Variants in SNTB2 observed in about 807,000 individuals in gnomAD.
SNTB2 encodes syntrophin beta 2.
Under a neutral mutation model 46.2 loss-of-function variants are expected in SNTB2, and 34 were observed. The ratio of observed to expected loss-of-function variants is 0.74; its 90% CI spans 0.56 to 0.98. SNTB2 has a LOEUF of 0.98. SNTB2 is among the 50% of genes least tolerant of loss of function. SNTB2 has a pLI of 0.00. For synonymous variants in SNTB2, 290 were observed against 312.6 expected (o/e 0.93, Z 0.76); for missense variants, 603 against 731.4 (o/e 0.82, Z 2.02).
intron 4 of SNTB2, among the ~76,000 whole-genome samples, chr16:69,277,831 G>A (rs982806875): frequency 6.6e-6 from 1 of 152,112 alleles, no homozygotes; most frequent in Non-Finnish European, 1.5e-5. Flanking sequence ...TTATAAATGA[G>A]GTAATATTTT....
intron 1 of SNTB2, among the ~76,000 whole-genome samples, chr16:69,191,773 T>C (rs1004213826): frequency 4.6e-5 from 7 of 151,838 alleles, no homozygotes; most frequent in African/African-American, 1.5e-4. Context: ...CCCAAGTAGC[T>C]GGGACTACAG....
At chr16:69,270,942 A>G (rs1964931613) in intron 4 of SNTB2, among the ~76,000 whole-genome samples, 1 of 152,232 alleles carries the variant, frequency 6.6e-6, no homozygotes, top group African/African-American at 2.4e-5. Flanking sequence ...AGGTGTTGAT[A>G]TAACTCAAAA....
At chr16:69,270,338 CA>C in intron 4 of SNTB2, 53 bp downstream of exon 4, 1 of 1,598,006 alleles carries the variant, frequency 6.3e-7, no homozygotes, top group Non-Finnish European at 8.6e-7. Flanking sequence ...TCTAAATCTA[CA>C]AAAGAATTTT....
At chr16:69,236,829 G>C (rs1035303430) in intron 1 of SNTB2, among the ~76,000 whole-genome samples, 4 of 152,310 alleles carry the variant, frequency 2.6e-5, no homozygotes, top group African/African-American at 9.6e-5. Flanking sequence ...GGTAGGGACA[G>C]AGAGTGGTCT....
intron 1 of SNTB2, among the ~76,000 whole-genome samples, chr16:69,206,889 C>T (rs1214334172): frequency 6.6e-6 from 1 of 150,934 alleles, no homozygotes; most frequent in Non-Finnish European, 1.5e-5. Flanking sequence ...CCTCAGCATC[C>T]CTGGTAGCTG....
chr16:69,213,745 G>A (rs1048138708), intron 1 of SNTB2, among the ~76,000 whole-genome samples: 9 of 150,212 alleles, frequency 6.0e-5, no homozygotes, highest in Non-Finnish European at 8.9e-5. Flanking sequence ...TGTTCCACCC[G>A]CCTTAGCATC....
rs144320331 is a variant in SNTB2 at position 69,206,359 on chromosome 16, T to C, written c.580+18613T>C. On this transcript the variant is annotated intron_variant, in intron 1 of 6. Transcript: ENST00000336278. ...TTATTACTCTTCTCTCCAGTAGATA[T>C]ACTATTTGATCAAGATGTGGGTAAT... is the stretch of plus-strand genomic sequence containing the variant. Among the ~76,000 whole-genome samples, 23 of 152,230 alleles carry C rather than the reference T, an allele frequency of 1.5e-4. 1 individual carries two copies. In the East Asian group the frequency reaches 3.5e-3, roughly 23 times the overall value.
At position 69,303,489 on chromosome 16, in the gene SNTB2, G is replaced by A. The variant is rs1270685390; in HGVS notation, c.*2565G>A. ...TGTGAGCAGGAAAGGCAAGGCATGT[G>A]TGCATTTTCACTCATTTTGGTCAAG... On this transcript the variant is annotated 3_prime_UTR_variant, in exon 7 of 7. Transcript: ENST00000336278. The A allele has an allele frequency of 6.6e-6, 1 of 152,636 alleles. No homozygotes were observed. Among genetic ancestry groups the A allele is most frequent in the Non-Finnish European group, 1.5e-5 (1 of 68,058 alleles). 9.5% of individuals were successfully genotyped at this position (152,636 alleles called of 1,614,324 possible). A position where few individuals can be genotyped will look rare whatever the true frequency, so the allele number is the denominator to read the frequency against.
chr16:69,285,819 G>A (rs1381248191), intron 5 of SNTB2, among the ~76,000 whole-genome samples: 2 of 151,184 alleles, frequency 1.3e-5, no homozygotes, highest in African/African-American at 4.9e-5. Context: ...TTGACATGGA[G>A]TCTCACTCTG....
At chr16:69,291,937 A>T (rs1965163196) in intron 5 of SNTB2, among the ~76,000 whole-genome samples, 1 of 149,882 alleles carries the variant, frequency 6.7e-6, no homozygotes, top group Non-Finnish European at 1.5e-5. Context: ...ATAAATAAAT[A>T]GGCTGGGCAC....
At chr16:69,254,819 A>T (rs11075712) in intron 2 of SNTB2, among the ~76,000 whole-genome samples, 37,686 of 151,464 alleles carry the variant, frequency 0.25, 5,030 homozygotes, top group African/African-American at 0.31. Context: ...TCTACAAAAA[A>T]TTTTTTTTTA....
chr16:69,268,271 A>G (rs938072335), intron 3 of SNTB2, among the ~76,000 whole-genome samples: 12 of 151,856 alleles, frequency 7.9e-5, no homozygotes, highest in Non-Finnish European at 1.5e-4. Context: ...CGAGACCAGT[A>G]TGGCCAACAT....
At chr16:69,239,388 A>G (rs1482627592) in intron 1 of SNTB2, among the ~76,000 whole-genome samples, 1 of 152,156 alleles carries the variant, frequency 6.6e-6, no homozygotes, top group Non-Finnish European at 1.5e-5. Flanking sequence ...ATACAGTTCT[A>G]TGAATCTGGA....
chr16:69,208,374 C>G (rs955362645), intron 1 of SNTB2, among the ~76,000 whole-genome samples: 2 of 150,914 alleles, frequency 1.3e-5, no homozygotes, highest in Non-Finnish European at 3.0e-5. Context: ...CCACTGCACT[C>G]CAGCCTGGGC....
chr16:69,205,366 T>C (rs1964206037), intron 1 of SNTB2, among the ~76,000 whole-genome samples: 1 of 149,692 alleles, frequency 6.7e-6, no homozygotes, highest in Non-Finnish European at 1.5e-5. Flanking sequence ...TTAGGGTACA[T>C]GTGCACATTG....
intron 5 of SNTB2, among the ~76,000 whole-genome samples, chr16:69,293,444 G>A (rs1454361721): frequency 6.6e-6 from 1 of 152,194 alleles, no homozygotes; most frequent in African/African-American, 2.4e-5. Context: ...TGAAAAAGCA[G>A]GTTGGATTTA....
At chr16:69,219,294 A>G (rs1389143251) in intron 1 of SNTB2, among the ~76,000 whole-genome samples, 1 of 152,232 alleles carries the variant, frequency 6.6e-6, no homozygotes, top group African/African-American at 2.4e-5. Flanking sequence ...AGGACCATCA[A>G]GGGCCATCAT....
At chr16:69,199,524 GGT>G (rs1964139033) in intron 1 of SNTB2, among the ~76,000 whole-genome samples, 1 of 148,914 alleles carries the variant, frequency 6.7e-6, no homozygotes, top group Admixed American at 6.8e-5. Context: ...GAGCCTGGGA[GGT>G]GGACGCTTTG....
Position 69,284,232 on chromosome 16 carries a change from G to A in SNTB2, c.1333G>A (p.Glu445Lys). Residue 445 changes from glutamate to lysine, a missense_variant, in exon 5 of 7, where the codon GAA becomes AAA. This residue lies in a region of SNTB2 where 537 missense variants were observed against 692.4 expected (regional missense o/e 0.78). Coordinates refer to ENST00000336278, the MANE Select transcript of SNTB2 (RefSeq NM_006750.4). ...GCHAAAELIK[E>K]VSLGCMLNGQ... ...CCATGCTGCTGCTGAGCTGATCAAG[G>A]AAGTCTCTCTAGGTAGAGATGCTGA... The A allele has an allele frequency of 6.2e-7, 1 of 1,610,792 alleles. No individual in the cohort carries two copies. The highest frequency in any genetic ancestry group is 8.5e-7 in the Non-Finnish European group (1 of 1,178,288).
Sources: gnomAD v4.1 joint callset for allele counts (sites outside exome capture counted in the v4.1 genomes callset) on GRCh38, gnomAD v4.1.1 for gene constraint, gnomAD v4.1.1 regional missense constraint, MANE v1.5 for transcripts, NCBI Gene and HGNC (gene_info 2026-07-23, HGNC 2026-07-21) for gene names.